Variants in LIX1L observed in about 807,000 individuals in gnomAD.
The protein encoded by LIX1L is limb and CNS expressed 1 like, also known as LIX1-like protein.
Under a neutral mutation model 34.0 loss-of-function variants are expected in LIX1L, and 20 were observed. The observed-to-expected ratio is 0.59, with a 90% CI of 0.41 to 0.85. The LOEUF (loss-of-function observed/expected upper bound fraction) is 0.85, where lower values mean the gene tolerates loss of function less well. Among genes scored for constraint, LIX1L ranks in the 40% least tolerant of loss-of-function variants. The pLI, the probability that LIX1L is intolerant of heterozygous loss-of-function variation, is 0.00. For missense variants in LIX1L, 397 were observed against 447.0 expected, an observed-to-expected ratio of 0.89 and a Z score of 1.01; for synonymous variants, 170 against 187.4, an observed-to-expected ratio of 0.91 and a Z score of 0.76.
intron 1 of LIX1L, among the ~76,000 whole-genome samples, chr1:145,956,609 A>G (rs1222588080): frequency 6.6e-6 from 1 of 152,210 alleles, no homozygotes; most frequent in African/African-American, 2.4e-5. Context: ...TTTTCTCTGT[A>G]TTATTGTTAA....
chr1:145,937,728 T>C (rs1553758036), intron 3 of LIX1L, 29 bp from the exon 4 acceptor site: 6 of 1,342,126 alleles, frequency 4.5e-6, no homozygotes, highest in South Asian at 2.3e-5. Context: ...AAAAGACAAA[T>C]AGATTTTCAA....
chr1:145,957,775 C>T lies in LIX1L; in HGVS notation c.153G>A (p.Pro51=), dbSNP rs1649536457. The T allele has an allele frequency of 3.0e-6, 4 of 1,341,468 alleles. No individual in the cohort carries two copies. The highest frequency in any genetic ancestry group is 3.1e-5 in the East Asian group (1 of 32,284). The allele number at this position is 1,341,468 out of a possible 1,614,324, so 83.1% of individuals were successfully genotyped here. ...CAGACAGGAGCAGCGGCGGCGGGGG[C>T]GGTGCGGGAGGCGGCGGGGCAGGCG... ...GPPPAPPPPA[P]PPPPLLLSGA... is the part of the protein sequence containing the mutation. The change falls in exon 1 of 6, where the codon CCG becomes CCA. Residue 51 remains proline (P), a synonymous_variant. Transcript: ENST00000604000.
chr1:145,957,597 C>T, intron 1 of LIX1L, 39 bp downstream of exon 1: 1 of 1,462,676 alleles, frequency 6.8e-7, no homozygotes. Flanking sequence ...GGCTCCCTTA[C>T]AGAGGGTGTC....
chr1:145,937,851 G>A (rs141096555), intron 3 of LIX1L, 152 bp from the exon 4 acceptor site: 20 of 603,398 alleles, frequency 3.3e-5, no homozygotes, highest in African/African-American at 2.2e-4. Context: ...GGTAAGTCCA[G>A]GTGCAGTGGC....
chr1:145,955,181 G>C (rs782258294), intron 1 of LIX1L, among the ~76,000 whole-genome samples: 3 of 152,138 alleles, frequency 2.0e-5, no homozygotes, highest in Non-Finnish European at 4.4e-5. Flanking sequence ...TATTTGACAG[G>C]GCTAGGTCCT....
At chr1:145,938,214 T>C (rs1200542853) in intron 3 of LIX1L, among the ~76,000 whole-genome samples, 1 of 152,200 alleles carries the variant, frequency 6.6e-6, no homozygotes, top group African/African-American at 2.4e-5. Flanking sequence ...GTAGTCAGTA[T>C]AAACATTATT....
In LIX1L at chr1:145,944,322, G is replaced by A. The variant is rs150305923; in HGVS notation, c.457-1469C>T. Among the ~76,000 whole-genome samples, 1,476 of 152,078 alleles carry A rather than the reference G, an allele frequency of 9.7e-3. 16 individuals carry two copies. Among genetic ancestry groups the A allele is most frequent in the South Asian group, 0.033 (160 of 4,812 alleles). ...TGCAGTGAGCTATGATTGTGCCACT[G>A]CACTCCAGCCTGGGCAACAGAGCAC... On this transcript the variant is annotated intron_variant, in intron 2 of 5. Transcript: ENST00000604000.
intron 3 of LIX1L, among the ~76,000 whole-genome samples, chr1:145,940,490 G>A (rs1553758482): frequency 6.7e-6 from 1 of 150,090 alleles, no homozygotes; most frequent in Non-Finnish European, 1.5e-5. Context: ...GGCATTACAG[G>A]CATGTGCCAC....
At position 145,942,952 on chromosome 1, in the gene LIX1L, C is replaced by T. The variant is rs16826965; in HGVS notation, c.457-99G>A. 5,093 of 1,168,180 alleles carry T rather than the reference C, an allele frequency of 4.4e-3. 185 individuals are homozygous for T. The African/African-American group carries it at 0.07, about 16-fold the overall frequency. 72.4% of individuals were successfully genotyped at this position (1,168,180 alleles called of 1,614,324 possible). On this transcript the variant is annotated intron_variant, in intron 2 of 5. Transcript: ENST00000604000. ...ACACTTCAGATAGAAAACACTTGGA[C>T]GCTCTTTGGATAAATCAGTTGTGTT...
At chr1:145,944,146 C>T (rs1553758982) in intron 2 of LIX1L, among the ~76,000 whole-genome samples, 1 of 152,172 alleles carries the variant, frequency 6.6e-6, no homozygotes, top group East Asian at 1.9e-4. Flanking sequence ...CACTTGAGGC[C>T]AGGAGTTTGA....
At chr1:145,936,798 T>C (rs1424554972) in intron 5 of LIX1L, 110 bp downstream of exon 5, 1 of 875,148 alleles carries the variant, frequency 1.1e-6, no homozygotes, top group African/African-American at 1.6e-5. Flanking sequence ...CTTTCAATAT[T>C]CACAACCATA....
intron 1 of LIX1L, chr1:145,950,280 A>G (rs1649245657): frequency 6.6e-6 from 1 of 152,426 alleles, no homozygotes; most frequent in Middle Eastern, 3.4e-3. Context: ...GAGCCTTCTG[A>G]GCACAGCAAA....
rs1649536594 is a variant in LIX1L, at chr1:145,957,777, G to C, written c.151C>G (p.Pro51Ala). The C allele has an allele frequency of 1.5e-6, 2 of 1,348,772 alleles. No individual in the cohort carries two copies. Among genetic ancestry groups the C allele is most frequent in the Non-Finnish European group, 1.9e-6 (2 of 1,058,520 alleles). 83.6% of individuals were successfully genotyped at this position (1,348,772 alleles called of 1,614,324 possible). ...GACAGGAGCAGCGGCGGCGGGGGCG[G>C]TGCGGGAGGCGGCGGGGCAGGCGGG... The part of the protein sequence containing the change: ...GPPPAPPPPA[P>A]PPPPLLLSGA... The change falls in exon 1 of 6, where the codon CCG (proline) becomes GCG (alanine). Residue 51 changes from proline to alanine, a missense_variant. Physicochemically the swap from Pro to Ala is conservative, Grantham distance 27. Transcript: ENST00000604000.
chr1:145,947,618 C>G lies in LIX1L; in HGVS notation c.456+1G>C, dbSNP rs1391356526. 1.9e-6 allele frequency: 3 copies of G among 1,613,674 alleles called. No individual in the cohort carries two copies. Among genetic ancestry groups the G allele is most frequent in the Non-Finnish European group, 2.5e-6 (3 of 1,179,860 alleles). ...TGCTACTGCCACCTCACAACTCTTA[C>G]CTGGAAACTCCCAAAGCAGCTTCCC... On this transcript the variant is annotated splice_donor_variant, in intron 2 of 5. Coordinates refer to ENST00000604000, the MANE Select transcript of LIX1L (RefSeq NM_153713.3). LOFTEE classifies it high-confidence loss of function.
Position 145,947,787 on chromosome 1 carries a change from A to T in LIX1L, c.293-5T>A. 1 of 1,614,016 alleles carries T rather than the reference A, an allele frequency of 6.2e-7. No homozygotes were observed. Among genetic ancestry groups the T allele is most frequent in the Non-Finnish European group, 8.5e-7 (1 of 1,179,896 alleles). On this transcript the variant is annotated splice_polypyrimidine_tract_variant and splice_region_variant and intron_variant, in intron 1 of 5. Coordinates refer to ENST00000604000, the MANE Select transcript of LIX1L (RefSeq NM_153713.3). The stretch of plus-strand genomic sequence containing the variant: ...GAAGTGCCTCCACCACATTCACTAC[A>T]AAAGAGAAGTACTTAAGTTCAGCAA...
chr1:145,936,492 A>C lies in LIX1L; in HGVS notation c.832T>G (p.Leu278Val). Reference sequence around the variant, plus strand: ...CTCTGCTCCCGGCTCACCCAGTCCAAGGCCATTTGGTGGCGAATATCATCA... The same window carrying C: ...CTCTGCTCCCGGCTCACCCAGTCCACGGCCATTTGGTGGCGAATATCATCA... ...LDDDIRHQMA[L>V]DWVSREQSVP... The change falls in exon 6 of 6, where the codon TTG becomes GTG. Residue 278 changes from leucine (L) to valine (V), a missense_variant. Around this residue, in one of 3 missense-constraint regions of LIX1L, gnomAD observed 174 missense variants for 204.0 expected, o/e 0.85. Coordinates refer to ENST00000604000, the MANE Select transcript of LIX1L (RefSeq NM_153713.3). The C allele has an allele frequency of 6.2e-7, 1 of 1,614,176 alleles. No homozygotes were observed. The highest frequency in any genetic ancestry group is 8.5e-7 in the Non-Finnish European group (1 of 1,180,028).
chr1:145,947,582 G>A (rs782061383), intron 2 of LIX1L, 37 bp downstream of exon 2: 71 of 1,608,114 alleles, frequency 4.4e-5, no homozygotes, highest in Non-Finnish European at 6.0e-5. Flanking sequence ...TAACATCTAA[G>A]CATTTACCTT....
chr1:145,946,068 C>T (rs1398647859), intron 2 of LIX1L, among the ~76,000 whole-genome samples: 2 of 151,604 alleles, frequency 1.3e-5, no homozygotes, highest in African/African-American at 2.4e-5. Context: ...CATACCACTG[C>T]ACTCCAGCCT....
In LIX1L at chr1:145,936,466, ACT is replaced by A. The variant is rs1648648122; in HGVS notation, c.856_857del (p.Ser286CysfsTer7). ...GCTCTCTAGACAGTGCCCCCGGCAC[ACT>A]CTGCTCCCGGCTCACCCAGTCCAAG... Reference protein sequence around the residue: ...MALDWVSREQSVPGALSRELA... With the variant: ...MALDWVSREQXVPGALSRELA... On this transcript the variant is annotated frameshift_variant, in exon 6 of 6. Transcript: ENST00000604000. LOFTEE classifies it high-confidence loss of function. The A allele has an allele frequency of 1.2e-6, 2 of 1,614,000 alleles. No homozygotes were observed. The highest frequency in any genetic ancestry group is 2.2e-5 in the East Asian group (1 of 44,892).
Sources: gnomAD v4.1 joint callset for allele counts (sites outside exome capture counted in the v4.1 genomes callset) on GRCh38, gnomAD v4.1.1 for gene constraint, gnomAD v4.1.1 regional missense constraint, MANE v1.5 for transcripts, NCBI Gene and HGNC (gene_info 2026-07-23, HGNC 2026-07-21) for gene names.